Variants in AP3B1 observed in about 807,000 individuals in gnomAD.
AP3B1 encodes AP-3 complex subunit beta-1.
AP3B1 carries 61 observed loss-of-function variants against 132.5 expected under a neutral mutation model. That is an observed-to-expected ratio of 0.46 (90% CI 0.37 to 0.57). The LOEUF (loss-of-function observed/expected upper bound fraction) is 0.57. Ranked by LOEUF, AP3B1 falls within the 20% of genes least tolerant of loss-of-function variation. The probability of loss-of-function intolerance (pLI) is 0.00; values close to 1 mark genes in which losing one functional copy is unlikely to be tolerated. For missense variants in AP3B1, 1,120 were observed against 1,289.4 expected, an observed-to-expected ratio of 0.87 and a Z score of 2.01; for synonymous variants, 388 against 438.3, an observed-to-expected ratio of 0.89 and a Z score of 1.43.
chr5:78,150,593 C>T (rs901594125), intron 14 of AP3B1, among the ~76,000 whole-genome samples: 6 of 152,102 alleles, frequency 3.9e-5, no homozygotes, highest in Non-Finnish European at 8.8e-5. Context: ...CTACTATGTG[C>T]CAGCCAGCGT....
intron 7 of AP3B1, among the ~76,000 whole-genome samples, chr5:78,204,778 AC>A (rs1225059961): frequency 6.6e-6 from 1 of 152,200 alleles, no homozygotes; most frequent in Non-Finnish European, 1.5e-5. Flanking sequence ...AGCCCCTGTC[AC>A]TGAGGCAGAG....
intron 14 of AP3B1, among the ~76,000 whole-genome samples, chr5:78,148,395 T>C (rs1753505098): frequency 6.6e-6 from 1 of 152,202 alleles, no homozygotes; most frequent in African/African-American, 2.4e-5. Flanking sequence ...GTATTAACTA[T>C]TTCCCTCACT....
intron 1 of AP3B1, among the ~76,000 whole-genome samples, chr5:78,286,310 T>C (rs1749278842): frequency 6.6e-6 from 1 of 152,178 alleles, no homozygotes; most frequent in African/African-American, 2.4e-5. Context: ...ATGTTCAAAC[T>C]TAATGGCCAA....
intron 14 of AP3B1, among the ~76,000 whole-genome samples, chr5:78,152,825 T>A (rs13167108): frequency 6.6e-6 from 1 of 152,238 alleles, no homozygotes; most frequent in Non-Finnish European, 1.5e-5. Context: ...GAGCATATTG[T>A]TTAATTTCCA....
At chr5:78,175,921 T>A (rs1744130333) in intron 9 of AP3B1, 83 bp from the exon 10 acceptor site, 4 of 1,074,258 alleles carry the variant, frequency 3.7e-6, no homozygotes, top group Non-Finnish European at 5.8e-6. Flanking sequence ...GACAAAGAAT[T>A]AGCAATAATT....
intron 1 of AP3B1, 76 bp from the exon 2 acceptor site, chr5:78,267,671 A>C: frequency 1.1e-6 from 1 of 912,984 alleles, no homozygotes; most frequent in South Asian, 1.5e-5. Context: ...CATTTTCATA[A>C]GAATTAGAAG....
chr5:78,070,913 T>C (rs1749511579), intron 22 of AP3B1, among the ~76,000 whole-genome samples: 1 of 152,150 alleles, frequency 6.6e-6, no homozygotes, highest in South Asian at 2.1e-4. Flanking sequence ...AAACGACAGA[T>C]GCTGGCGAAG....
At chr5:78,084,726 C>T (rs1750167210) in intron 22 of AP3B1, among the ~76,000 whole-genome samples, 1 of 151,700 alleles carries the variant, frequency 6.6e-6, no homozygotes, top group South Asian at 2.1e-4. Context: ...TAAAAATATG[C>T]AGAAGAAAAT....
intron 21 of AP3B1, among the ~76,000 whole-genome samples, chr5:78,099,351 G>C (rs1325026545): frequency 6.6e-6 from 1 of 152,184 alleles, no homozygotes; most frequent in Non-Finnish European, 1.5e-5. Flanking sequence ...CTCAGCAGGG[G>C]AACAGCAGTA....
At chr5:78,218,876 A>G (rs180884825) in intron 6 of AP3B1, among the ~76,000 whole-genome samples, 1 of 152,148 alleles carries the variant, frequency 6.6e-6, no homozygotes, top group East Asian at 1.9e-4. Flanking sequence ...AGCCCAAATG[A>G]TATTCCCCTT....
At chr5:78,242,922 T>C (rs958219776) in intron 2 of AP3B1, among the ~76,000 whole-genome samples, 3 of 152,208 alleles carry the variant, frequency 2.0e-5, no homozygotes, top group Non-Finnish European at 4.4e-5. Context: ...TCCTTATGAA[T>C]TACATACCAT....
intron 1 of AP3B1, among the ~76,000 whole-genome samples, chr5:78,281,809 G>A (rs1425527561): frequency 6.6e-6 from 1 of 152,056 alleles, no homozygotes; most frequent in Non-Finnish European, 1.5e-5. Context: ...GTTCTGGAGA[G>A]GGATGGTGGT....
intron 3 of AP3B1, among the ~76,000 whole-genome samples, chr5:78,231,101 C>T (rs986287367): frequency 5.9e-5 from 9 of 151,626 alleles, no homozygotes; most frequent in African/African-American, 2.2e-4. Context: ...GCCTGGGTGA[C>T]AAAGCAAGAC....
Position 78,177,390 on chromosome 5 carries a change from G to A in AP3B1, c.989C>T (p.Ser330Phe). Residue 330 changes from serine (S) to phenylalanine (F), a missense_variant, in exon 9 of 27, where the codon TCT (serine) becomes TTT (phenylalanine). Around this residue, in one of 3 missense-constraint regions of AP3B1, gnomAD observed 906 missense variants for 997.1 expected, o/e 0.91. Transcript: ENST00000255194. ...TGATTTAGAAATTATGCCAGCTTCA[G>A]ATTTTGGTGATATGTGCCAATACAG... ...AQLYWHISPK[S>F]EAGIISKSLV... 7 of 1,614,020 alleles carry A rather than the reference G, an allele frequency of 4.3e-6. No homozygotes were observed. The highest frequency in any genetic ancestry group is 5.9e-6 in the Non-Finnish European group (7 of 1,179,920).
intron 15 of AP3B1, among the ~76,000 whole-genome samples, chr5:78,133,082 C>T (rs1752755075): frequency 1.3e-5 from 2 of 152,196 alleles, no homozygotes; most frequent in Non-Finnish European, 2.9e-5. Flanking sequence ...CCCATGTTTT[C>T]CTTTAATTCC....
chr5:78,016,641 TA>T (rs1746866682), intron 25 of AP3B1, among the ~76,000 whole-genome samples: 1 of 152,046 alleles, frequency 6.6e-6, no homozygotes, highest in Non-Finnish European at 1.5e-5. Flanking sequence ...AACTAAAATT[TA>T]AAAGAATCCC....
chr5:78,053,947 T>G (rs892381831), intron 22 of AP3B1, among the ~76,000 whole-genome samples: 1 of 152,182 alleles, frequency 6.6e-6, no homozygotes, highest in Non-Finnish European at 1.5e-5. Context: ...TATACAGATT[T>G]GAGCTGAAAT....
intron 3 of AP3B1, among the ~76,000 whole-genome samples, chr5:78,239,625 A>C (rs2112516140): frequency 6.6e-6 from 1 of 151,656 alleles, no homozygotes; most frequent in South Asian, 2.1e-4. Flanking sequence ...AAAAAATATA[A>C]AAAACTAGCC....
At chr5:78,193,638 T>C (rs1311642124) in intron 7 of AP3B1, among the ~76,000 whole-genome samples, 2 of 147,850 alleles carry the variant, frequency 1.4e-5, no homozygotes, top group Non-Finnish European at 3.0e-5. Context: ...TCTGAGCTTA[T>C]TCTATATCCT....
Sources: gnomAD v4.1 joint callset for allele counts (sites outside exome capture counted in the v4.1 genomes callset) on GRCh38, gnomAD v4.1.1 for gene constraint, gnomAD v4.1.1 regional missense constraint, MANE v1.5 for transcripts, NCBI Gene and HGNC (gene_info 2026-07-23, HGNC 2026-07-21) for gene names.